Variants in CX3CR1 observed in about 807,000 individuals in gnomAD.
The protein encoded by CX3CR1 is C-X3-C motif chemokine receptor 1, also known as CX3C chemokine receptor 1.
For synonymous variants in CX3CR1, 168 were observed against 178.5 expected (o/e 0.94, Z 0.47); for missense variants, 363 against 432.4 (o/e 0.84, Z 1.42).
At chr3:39,281,788 G>A, upstream of CX3CR1, 1 of 949,306 alleles carries the variant, frequency 1.1e-6, no homozygotes, top group Non-Finnish European at 1.6e-6. Context: ...ACATGCCTGT[G>A]CCCGTGGCAG....
In CX3CR1 at chr3:39,265,490, G is replaced by T. The variant is rs745383676; in HGVS notation, c.1020C>A (p.Ser340Arg). The part of the protein sequence containing the change: ...QRSRHGSVLS[S>R]NFTYHTSDGD... ...CATCACTCGTGTGGTAAGTAAAATT[G>T]CTGCTCAGAACACTTCCATGCCTGC... The change falls in exon 2 of 2, where the codon AGC (serine) becomes AGA (arginine). Residue 340 changes from serine to arginine, a missense_variant. Transcript: ENST00000399220. The T allele has an allele frequency of 3.7e-6, 6 of 1,613,874 alleles. No individual in the cohort carries two copies. The African/African-American group carries it at 6.7e-5, about 18-fold the overall frequency.
At chr3:39,267,914 C>T (rs747905330) in intron 1 of CX3CR1, among the ~76,000 whole-genome samples, 3 of 152,212 alleles carry the variant, frequency 2.0e-5, no homozygotes, top group Non-Finnish European at 4.4e-5. Flanking sequence ...GGGAGGCAGC[C>T]CTTTCACACG....
upstream of CX3CR1, among the ~76,000 whole-genome samples, chr3:39,285,390 A>G (rs930073950): frequency 3.9e-5 from 6 of 152,134 alleles, no homozygotes; most frequent in African/African-American, 1.4e-4. Flanking sequence ...AAAGAAAAGA[A>G]AAGAAAAATG....
chr3:39,275,544 T>C (rs1359035343), intron 1 of CX3CR1, among the ~76,000 whole-genome samples: 1 of 152,252 alleles, frequency 6.6e-6, no homozygotes, highest in Admixed American at 6.5e-5. Context: ...TTTGCCTTGA[T>C]AACATGTATG....
At chr3:39,285,001 A>T (rs968023843), upstream of CX3CR1, among the ~76,000 whole-genome samples, 43 of 152,320 alleles carry the variant, frequency 2.8e-4, no homozygotes, top group Middle Eastern at 0.01. Flanking sequence ...GCAGAAAAAA[A>T]GTCTCTCTTT....
At chr3:39,268,702 C>T (rs1430246277) in intron 1 of CX3CR1, among the ~76,000 whole-genome samples, 5 of 152,304 alleles carry the variant, frequency 3.3e-5, no homozygotes, top group Admixed American at 6.5e-5. Flanking sequence ...CGGGCACTCC[C>T]GAGATTGAAT....
At chr3:39,278,313 C>T (rs915148004) in intron 1 of CX3CR1, among the ~76,000 whole-genome samples, 1 of 152,346 alleles carries the variant, frequency 6.6e-6, no homozygotes, top group East Asian at 1.9e-4. Flanking sequence ...CCCTGCCTTC[C>T]TTTGTGAAAA....
chr3:39,285,047 C>T (rs1311903068), upstream of CX3CR1, among the ~76,000 whole-genome samples: 2 of 152,074 alleles, frequency 1.3e-5, no homozygotes, highest in African/African-American at 4.8e-5. Flanking sequence ...GATCTTCTCC[C>T]TCTAAGAGGA....
chr3:39,281,221 C>G, upstream of CX3CR1: 1 of 1,036,060 alleles, frequency 9.7e-7, no homozygotes, highest in Non-Finnish European at 1.2e-6. Context: ...TTCTTGGTCT[C>G]AGTGTTTGGC....
intron 1 of CX3CR1, among the ~76,000 whole-genome samples, chr3:39,267,764 C>G (rs1294077473): frequency 6.6e-6 from 1 of 152,198 alleles, no homozygotes; most frequent in East Asian, 1.9e-4. Flanking sequence ...CCCTATAGTT[C>G]ACTTTGGTTT....
intron 1 of CX3CR1, among the ~76,000 whole-genome samples, chr3:39,267,482 A>G (rs2040718772): frequency 6.6e-6 from 1 of 152,186 alleles, no homozygotes; most frequent in South Asian, 2.1e-4. Context: ...AGCAGGTATC[A>G]GACAGAGTCA....
upstream of CX3CR1, among the ~76,000 whole-genome samples, chr3:39,283,794 ATTATATATATATATAT>A (rs2040925033): frequency 1.7e-5 from 1 of 58,340 alleles, no homozygotes; most frequent in East Asian, 1.1e-3. Flanking sequence ...AAAAAAAAAA[ATTATATATATATATAT>A]ATATATATAT....
chr3:39,273,243 A>G (rs2040801068), intron 1 of CX3CR1, among the ~76,000 whole-genome samples: 1 of 152,242 alleles, frequency 6.6e-6, no homozygotes, highest in Non-Finnish European at 1.5e-5. Context: ...CTCATAACCC[A>G]GCAGGCTGCC....
chr3:39,284,186 T>TTTTG (rs1341924806), upstream of CX3CR1, among the ~76,000 whole-genome samples: 1 of 151,612 alleles, frequency 6.6e-6, no homozygotes, highest in Non-Finnish European at 1.5e-5. Context: ...AGTTTTTTTT[T>TTTTG]TTTGTTTGTT....
the CX3CR1 span, chr3:39,287,283 G>T: frequency 6.6e-6 from 1 of 152,102 alleles, no homozygotes; most frequent in Non-Finnish European, 1.5e-5. Flanking sequence ...CTATGTTTAA[G>T]GTAATGAAGA....
the CX3CR1 span, among the ~76,000 whole-genome samples, chr3:39,288,084 G>A: frequency 6.6e-6 from 1 of 152,118 alleles, no homozygotes; most frequent in Non-Finnish European, 1.5e-5. Context: ...AACCTAGCTT[G>A]GGTTGAATTA....
upstream of CX3CR1, chr3:39,280,471 C>A: frequency 1.0e-6 from 1 of 985,344 alleles, no homozygotes; most frequent in Non-Finnish European, 1.2e-6. Flanking sequence ...TTATTAAAGA[C>A]AGCACCTCAA....
chr3:39,279,307 T>C (rs1256600650), intron 1 of CX3CR1, among the ~76,000 whole-genome samples: 1 of 152,136 alleles, frequency 6.6e-6, no homozygotes, highest in Non-Finnish European at 1.5e-5. Context: ...CAGTAATCTT[T>C]TAGCTTTTCT....
At chr3:39,279,521 A>G (rs2040873321) in intron 1 of CX3CR1, among the ~76,000 whole-genome samples, 1 of 152,182 alleles carries the variant, frequency 6.6e-6, no homozygotes, top group Non-Finnish European at 1.5e-5. Flanking sequence ...TCTATTTCCC[A>G]CTTAATGTCT....
Sources: gnomAD v4.1 joint callset for allele counts (sites outside exome capture counted in the v4.1 genomes callset) on GRCh38, gnomAD v4.1.1 for gene constraint, MANE v1.5 for transcripts, NCBI Gene and HGNC (gene_info 2026-07-23, HGNC 2026-07-21) for gene names.